SDK1: variants seen among roughly 807,000 people sequenced by gnomAD.
SDK1 encodes protein sidekick-1.
Under a neutral mutation model 245.5 loss-of-function variants are expected in SDK1, and 157 were observed. The observed-to-expected ratio is 0.64, with a 90% confidence interval of 0.56 to 0.73. SDK1 has a LOEUF of 0.73. Among genes scored for constraint, SDK1 ranks in the 30% least tolerant of loss-of-function variants. The pLI is 0.00. For missense variants in SDK1, 3,583 were observed against 3,002.3 expected, an observed-to-expected ratio of 1.19 and a Z score of -4.52; for synonymous variants, 1,647 against 1,278.5, an observed-to-expected ratio of 1.29 and a Z score of -6.15.
At chr7:3,984,709 C>T (rs969902289) in intron 13 of SDK1, among the ~76,000 whole-genome samples, 1 of 152,152 alleles carries the variant, frequency 6.6e-6, no homozygotes, top group South Asian at 2.1e-4. Flanking sequence ...CCTGGCTCCT[C>T]GAGCCTCTAA....
intron 20 of SDK1, among the ~76,000 whole-genome samples, chr7:4,072,647 G>A (rs1186059839): frequency 1.3e-5 from 2 of 152,252 alleles, no homozygotes; most frequent in Admixed American, 6.5e-5. Flanking sequence ...AAACCTGGCT[G>A]CCGGTTTCTG....
At chr7:3,761,064 G>A (rs1478417469) in intron 4 of SDK1, among the ~76,000 whole-genome samples, 1 of 152,146 alleles carries the variant, frequency 6.6e-6, no homozygotes, top group Non-Finnish European at 1.5e-5. Flanking sequence ...AGATACGTAG[G>A]AGTGGGTCAG....
At chr7:3,603,437 T>A (rs1781313565) in intron 1 of SDK1, among the ~76,000 whole-genome samples, 1 of 151,232 alleles carries the variant, frequency 6.6e-6, no homozygotes. Context: ...TTATTCTCTT[T>A]GAAGGAATTG....
intron 1 of SDK1, among the ~76,000 whole-genome samples, chr7:3,422,823 A>G (rs978491545): frequency 8.5e-5 from 13 of 152,230 alleles, no homozygotes; most frequent in African/African-American, 3.1e-4. Context: ...TGGGAAAAAT[A>G]CCAGAAACAG....
In SDK1 at chr7:3,910,149, G is replaced by A. The variant is rs373202798; in HGVS notation, c.848-40774G>A. ...TGCGTGGTGCTGCGTCAGCAGACAG[G>A]AGCATTATTTTCCCCTGGAATGTGC... On this transcript the variant is annotated intron_variant, in intron 5 of 44. Coordinates refer to ENST00000404826, the MANE Select transcript of SDK1 (RefSeq NM_152744.4). Among the ~76,000 whole-genome samples the A allele has an allele frequency of 1.1e-4, 17 of 152,330 alleles. No homozygotes were observed. The East Asian group carries it at 3.3e-3, about 29-fold the overall frequency.
intron 32 of SDK1, among the ~76,000 whole-genome samples, chr7:4,172,892 A>G (rs1457946500): frequency 1.3e-5 from 2 of 152,108 alleles, no homozygotes; most frequent in African/African-American, 4.8e-5. Context: ...CACTCATCAA[A>G]TTAGGACCCT....
At chr7:3,994,593 G>A (rs895742268) in intron 14 of SDK1, among the ~76,000 whole-genome samples, 9 of 146,740 alleles carry the variant, frequency 6.1e-5, no homozygotes, top group Non-Finnish European at 1.2e-4. Flanking sequence ...AGTGAGCCGC[G>A]ATCGCACCAA....
intron 4 of SDK1, among the ~76,000 whole-genome samples, chr7:3,677,323 C>G (rs1334653773): frequency 6.6e-6 from 1 of 152,180 alleles, no homozygotes; most frequent in Non-Finnish European, 1.5e-5. Flanking sequence ...TCTGTTCTAA[C>G]ACTGCTAGTA....
chr7:3,655,503 A>G lies in SDK1; in HGVS notation c.713+13398A>G, dbSNP rs538039046. ...TATATATATATATATATATATATAT[A>G]TGTATGTATGTATATAAAATGTGCT... On this transcript the variant is annotated intron_variant, in intron 4 of 44. Transcript: ENST00000404826. Among the ~76,000 whole-genome samples the G allele has an allele frequency of 6.7e-3, 419 of 62,758 alleles. 8 individuals carry two copies. The highest frequency in any genetic ancestry group is 0.014 in the Non-Finnish European group (342 of 25,006). The allele number at this position is 62,758 out of a possible 152,430, so 41.2% of individuals were successfully genotyped here.
chr7:3,948,072 C>G (rs1458929409), intron 5 of SDK1, among the ~76,000 whole-genome samples: 1 of 152,192 alleles, frequency 6.6e-6, no homozygotes, highest in Non-Finnish European at 1.5e-5. Flanking sequence ...GAGCACTATC[C>G]TTGCTATTGA....
intron 9 of SDK1, among the ~76,000 whole-genome samples, chr7:3,965,694 A>C (rs886764926): frequency 5.4e-4 from 82 of 152,056 alleles, no homozygotes; most frequent in African/African-American, 1.9e-3. Flanking sequence ...GGAGAAAGGC[A>C]GTGAAGGACG....
chr7:4,101,102 G>T (rs1782507672), intron 22 of SDK1, among the ~76,000 whole-genome samples: 1 of 151,960 alleles, frequency 6.6e-6, no homozygotes, highest in African/African-American at 2.4e-5. Context: ...CAGCTGGGCA[G>T]CCCTGACCCT....
intron 5 of SDK1, among the ~76,000 whole-genome samples, chr7:3,874,624 A>G (rs983775378): frequency 4.6e-5 from 7 of 152,000 alleles, no homozygotes; most frequent in African/African-American, 1.7e-4. Flanking sequence ...CCCTATCTGC[A>G]GTGCGATCCC....
At chr7:3,566,242 T>TA (rs753014150) in intron 1 of SDK1, among the ~76,000 whole-genome samples, 8 of 147,110 alleles carry the variant, frequency 5.4e-5, no homozygotes, top group Admixed American at 4.0e-4. Context: ...TTTTTTTTTT[T>TA]GAGATGGAGT....
At chr7:3,405,814 CTTTTTTTTTTT>C (rs534692477) in intron 1 of SDK1, among the ~76,000 whole-genome samples, 1 of 125,392 alleles carries the variant, frequency 8.0e-6, no homozygotes, top group African/African-American at 3.1e-5. Context: ...TTCTTTCTTT[CTTTTTTTTTTT>C]TTTTTTTGAG....
At chr7:3,851,127 A>C (rs1423276137) in intron 5 of SDK1, among the ~76,000 whole-genome samples, 2 of 152,192 alleles carry the variant, frequency 1.3e-5, no homozygotes, top group Non-Finnish European at 2.9e-5. Context: ...ATTATACCCT[A>C]CGTGTTGGCA....
chr7:4,183,596 G>A (rs1333304175), intron 35 of SDK1, among the ~76,000 whole-genome samples: 5 of 142,340 alleles, frequency 3.5e-5, no homozygotes. Context: ...AGCCAAAATC[G>A]CACCACTGCA....
chr7:4,034,871 G>A (rs551717576), intron 17 of SDK1, among the ~76,000 whole-genome samples: 1 of 152,334 alleles, frequency 6.6e-6, no homozygotes, highest in South Asian at 2.1e-4. Flanking sequence ...GAGAACTAGA[G>A]CTATGGGGAA....
chr7:3,715,148 A>G (rs937320803), intron 4 of SDK1, among the ~76,000 whole-genome samples: 1 of 152,168 alleles, frequency 6.6e-6, no homozygotes, highest in Non-Finnish European at 1.5e-5. Context: ...ACATATAATT[A>G]GCTTATTTAG....
Sources: gnomAD v4.1 joint callset for allele counts (sites outside exome capture counted in the v4.1 genomes callset) on GRCh38, gnomAD v4.1.1 for gene constraint, MANE v1.5 for transcripts, NCBI Gene and HGNC (gene_info 2026-07-23, HGNC 2026-07-21) for gene names.